ADAMTSL1: variants seen among roughly 807,000 people sequenced by gnomAD.
The protein encoded by ADAMTSL1 is ADAMTS-like protein 1.
A neutral mutation model predicts 201.8 loss-of-function variants in ADAMTSL1; 126 were observed. The observed-to-expected ratio is 0.62, with a 90% CI of 0.54 to 0.72. The LOEUF is 0.72. ADAMTSL1 is among the 30% of genes least tolerant of loss of function. The probability of loss-of-function intolerance (pLI) is 0.00; values close to 1 mark genes in which losing one functional copy is unlikely to be tolerated. For synonymous variants in ADAMTSL1, 1,121 were observed against 903.4 expected (o/e 1.24, Z -4.32); for missense variants, 2,679 against 2,277.8 (o/e 1.18, Z -3.59).
chr9:18,618,673 T>C (rs1225176695), intron 4 of ADAMTSL1, among the ~76,000 whole-genome samples: 4 of 151,934 alleles, frequency 2.6e-5, no homozygotes, highest in Non-Finnish European at 5.9e-5. Context: ...GTACAAGGCT[T>C]CCATTCTCAA....
At chr9:18,557,448 G>T (rs1280711597) in intron 3 of ADAMTSL1, among the ~76,000 whole-genome samples, 2 of 152,020 alleles carry the variant, frequency 1.3e-5, no homozygotes, top group Non-Finnish European at 2.9e-5. Context: ...TGCAAGAAAT[G>T]ACCCAGGTTA....
At chr9:18,681,344 TAAC>T (rs530144194) in intron 11 of ADAMTSL1, 4 of 152,506 alleles carry the variant, frequency 2.6e-5, no homozygotes, top group African/African-American at 9.6e-5. Flanking sequence ...TCAATTGGAT[TAAC>T]AATGCTGCAA....
chr9:17,927,370 G>A (rs1826586145), intron 1 of ADAMTSL1, among the ~76,000 whole-genome samples: 1 of 151,712 alleles, frequency 6.6e-6, no homozygotes, highest in Admixed American at 6.6e-5. Flanking sequence ...ATACATATGT[G>A]CATATACATG....
At chr9:18,758,027 C>T (rs1021942262) in intron 16 of ADAMTSL1, among the ~76,000 whole-genome samples, 5 of 152,180 alleles carry the variant, frequency 3.3e-5, no homozygotes, top group Non-Finnish European at 7.3e-5. Flanking sequence ...ATATTATCCC[C>T]ATTTTGCATG....
intron 1 of ADAMTSL1, among the ~76,000 whole-genome samples, chr9:18,117,584 C>T (rs1049576270): frequency 6.6e-6 from 1 of 152,128 alleles, no homozygotes; most frequent in Non-Finnish European, 1.5e-5. Flanking sequence ...TCCCACTACT[C>T]CCAACACCTC....
intron 1 of ADAMTSL1, among the ~76,000 whole-genome samples, chr9:18,161,531 A>G (rs759929656): frequency 1.3e-5 from 2 of 152,180 alleles, no homozygotes; most frequent in Non-Finnish European, 1.5e-5. Flanking sequence ...AAAAACACCA[A>G]AATTAGAACA....
chr9:18,055,384 C>T (rs1031399684), intron 1 of ADAMTSL1, among the ~76,000 whole-genome samples: 17 of 152,200 alleles, frequency 1.1e-4, no homozygotes, highest in Admixed American at 8.5e-4. Context: ...GCCACACCCC[C>T]ATCAAAGGAA....
At chr9:18,176,904 G>T (rs1022153035) in intron 2 of ADAMTSL1, among the ~76,000 whole-genome samples, 3 of 152,158 alleles carry the variant, frequency 2.0e-5, no homozygotes, top group Non-Finnish European at 4.4e-5. Flanking sequence ...AACAGCGCTT[G>T]ATTTTATTAA....
intron 15 of ADAMTSL1, among the ~76,000 whole-genome samples, chr9:18,748,243 C>G (rs1819256486): frequency 6.6e-6 from 1 of 152,204 alleles, no homozygotes. Context: ...AAGCTAAACA[C>G]CTGAAGCCTA....
chr9:18,816,162 C>T (rs1823837046), intron 20 of ADAMTSL1, among the ~76,000 whole-genome samples: 1 of 152,214 alleles, frequency 6.6e-6, no homozygotes, highest in Non-Finnish European at 1.5e-5. Flanking sequence ...TCCCCAGTCT[C>T]TGTTAACCAC....
intron 1 of ADAMTSL1, among the ~76,000 whole-genome samples, chr9:18,105,870 C>G (rs1824736398): frequency 6.6e-6 from 1 of 152,206 alleles, no homozygotes. Flanking sequence ...CACAGGCCCA[C>G]TGCACCATGT....
chr9:18,481,800 C>T (rs186763064), intron 1 of ADAMTSL1, among the ~76,000 whole-genome samples: 1 of 152,090 alleles, frequency 6.6e-6, no homozygotes, highest in Non-Finnish European at 1.5e-5. Flanking sequence ...CACACTGGAA[C>T]AATTTTTTAG....
At chr9:18,762,973 A>G (rs1020786708) in intron 16 of ADAMTSL1, among the ~76,000 whole-genome samples, 9 of 152,172 alleles carry the variant, frequency 5.9e-5, no homozygotes, top group Non-Finnish European at 1.3e-4. Flanking sequence ...AACACAGTAG[A>G]GCAGATATCT....
At chr9:17,963,983 T>C (rs974984688) in intron 1 of ADAMTSL1, among the ~76,000 whole-genome samples, 1 of 152,154 alleles carries the variant, frequency 6.6e-6, no homozygotes, top group African/African-American at 2.4e-5. Context: ...CTCAAATTAT[T>C]ATTTTTTTAT....
chr9:18,856,658 G>T lies in ADAMTSL1; in HGVS notation c.4249+26681G>T, dbSNP rs550250124. Among the ~76,000 whole-genome samples, 5 of 151,916 alleles carry T rather than the reference G, an allele frequency of 3.3e-5. No homozygotes were observed. In the South Asian group the frequency reaches 1.0e-3, roughly 32 times the overall value. ...TTTTTAGTAGACACAGGGTTTCATC[G>T]TGTTGGCCAAGCTGGTCTTGAACTA... On this transcript the variant is annotated intron_variant, in intron 23 of 28. Transcript: ENST00000380548.
chr9:18,493,687 T>A (rs559907590), intron 1 of ADAMTSL1, among the ~76,000 whole-genome samples: 1 of 152,232 alleles, frequency 6.6e-6, no homozygotes, highest in Non-Finnish European at 1.5e-5. Context: ...CCCCCATGAT[T>A]CAGATTCATT....
intron 15 of ADAMTSL1, among the ~76,000 whole-genome samples, chr9:18,722,372 C>T (rs1833446978): frequency 1.3e-5 from 2 of 152,084 alleles, no homozygotes; most frequent in South Asian, 4.1e-4. Context: ...AGAACTAAAT[C>T]CAGACTTTCA....
At chr9:18,823,955 A>G (rs990064812) in intron 21 of ADAMTSL1, among the ~76,000 whole-genome samples, 2 of 151,910 alleles carry the variant, frequency 1.3e-5, no homozygotes, top group Non-Finnish European at 2.9e-5. Flanking sequence ...ATGCCACTGC[A>G]CTCCAGCCTA....
At chr9:18,576,217 G>T (rs1174868247) in intron 4 of ADAMTSL1, among the ~76,000 whole-genome samples, 3 of 152,062 alleles carry the variant, frequency 2.0e-5, no homozygotes, top group African/African-American at 7.2e-5. Context: ...TCATTTATTT[G>T]TCTTGTTAGA....
Sources: allele counts gnomAD v4.1 joint callset (sites outside exome capture counted in the v4.1 genomes callset), GRCh38; gene constraint gnomAD v4.1.1; transcripts MANE v1.5; gene names NCBI Gene and HGNC (gene_info 2026-07-23, HGNC 2026-07-21).